The following CATSPERH variants were observed in gnomAD, a reference collection of about 807,000 sequenced individuals.
CATSPERH encodes cation channel sperm-associated auxiliary subunit eta.
the CATSPERH span, chr11:65,089,027 C>G: frequency 6.5e-7 from 1 of 1,535,562 alleles, no homozygotes; most frequent in Non-Finnish European, 8.7e-7. Flanking sequence ...GTCTTGCAGC[C>G]ACATCTTGCC....
the CATSPERH span, chr11:65,088,500 C>T: frequency 6.5e-7 from 1 of 1,536,188 alleles, no homozygotes; most frequent in Non-Finnish European, 8.7e-7. Context: ...ACTCCAAGGA[C>T]AGGCGGTTGA....
At chr11:65,088,670 G>T in the CATSPERH span, 1 of 1,536,356 alleles carries the variant, frequency 6.5e-7, no homozygotes, top group East Asian at 2.4e-5. Flanking sequence ...TCAGGGCGGA[G>T]AAGCAGACGT....
At chr11:65,089,058 G>C in the CATSPERH span, 1 of 1,527,330 alleles carries the variant, frequency 6.5e-7, no homozygotes, top group African/African-American at 1.4e-5. Context: ...ATGCAAGTCA[G>C]ACTTGAGAGC....
the CATSPERH span, chr11:65,088,656 A>C: frequency 4.6e-6 from 7 of 1,536,344 alleles, no homozygotes; most frequent in Non-Finnish European, 6.1e-6. Context: ...CTCACTCAGG[A>C]TGGTCAGGGC....
At chr11:65,088,888 G>A in the CATSPERH span, 3 of 1,535,834 alleles carry the variant, frequency 2.0e-6, no homozygotes, top group Non-Finnish European at 2.6e-6. Flanking sequence ...GAAAGCTCAT[G>A]TGGTCATAGT....
At chr11:65,088,705 A>G in the CATSPERH span, 1 of 1,536,206 alleles carries the variant, frequency 6.5e-7, no homozygotes, top group Non-Finnish European at 8.7e-7. Context: ...ATCTCAGCAT[A>G]GAGTGACCCC....
chr11:65,088,851 A>G, the CATSPERH span: 46 of 1,535,686 alleles, frequency 3.0e-5, no homozygotes, highest in Non-Finnish European at 3.7e-5. Flanking sequence ...CCCTGCCCTG[A>G]GCCTACCATC....
the CATSPERH span, chr11:65,088,708 G>A: frequency 6.5e-7 from 1 of 1,536,224 alleles, no homozygotes; most frequent in African/African-American, 1.4e-5. Flanking sequence ...TCAGCATAGA[G>A]TGACCCCATG....
the CATSPERH span, chr11:65,089,030 A>G: frequency 1.3e-6 from 2 of 1,535,476 alleles, no homozygotes; most frequent in South Asian, 1.2e-5. Context: ...TTGCAGCCAC[A>G]TCTTGCCCGC....
chr11:65,088,860 T>G, the CATSPERH span: 1 of 1,535,776 alleles, frequency 6.5e-7, no homozygotes, highest in Middle Eastern at 1.7e-4. Flanking sequence ...GAGCCTACCA[T>G]CAGGACGACC....
At chr11:65,088,877 T>C in the CATSPERH span, 1 of 1,535,780 alleles carries the variant, frequency 6.5e-7, no homozygotes, top group Non-Finnish European at 8.7e-7. Context: ...GACCGTGTAG[T>C]GAAAGCTCAT....
chr11:65,088,927 T>C, the CATSPERH span: 1 of 1,535,732 alleles, frequency 6.5e-7, no homozygotes, highest in African/African-American at 1.4e-5. Context: ...TGTGCACGTC[T>C]CTGATGAAGA....
chr11:65,088,636 A>C, the CATSPERH span: 674,484 of 1,534,564 alleles, frequency 0.44, 150,532 homozygotes, highest in Admixed American at 0.53. Context: ...GCACCCTCCC[A>C]CTCCTGCCAC....
the CATSPERH span, chr11:65,088,407 G>T: frequency 1.3e-6 from 2 of 1,511,830 alleles, no homozygotes; most frequent in Non-Finnish European, 1.8e-6. Flanking sequence ...AACACCCGAG[G>T]CAGCCTTTTG....
At chr11:65,088,611 T>C in the CATSPERH span, 1 of 1,532,496 alleles carries the variant, frequency 6.5e-7, no homozygotes, top group Non-Finnish European at 8.7e-7. Context: ...GTTCCAAAGC[T>C]CCCCGCTCCC....
the CATSPERH span, chr11:65,088,672 A>G: frequency 8.5e-6 from 13 of 1,536,344 alleles, no homozygotes; most frequent in Middle Eastern, 1.7e-4. Context: ...AGGGCGGAGA[A>G]GCAGACGTAC....
the CATSPERH span, chr11:65,088,900 G>A: frequency 1.3e-6 from 2 of 1,535,812 alleles, no homozygotes; most frequent in Non-Finnish European, 8.7e-7. Flanking sequence ...GGTCATAGTG[G>A]TAGGTGATGC....
At chr11:65,088,950 A>G in the CATSPERH span, 2 of 1,535,700 alleles carry the variant, frequency 1.3e-6, no homozygotes, top group Non-Finnish European at 1.7e-6. Context: ...CCCAGGTGTA[A>G]GAAGAAGAGC....
chr11:65,088,390 T>C, the CATSPERH span: 1 of 1,481,018 alleles, frequency 6.8e-7, no homozygotes, highest in Non-Finnish European at 9.1e-7. Flanking sequence ...AACAACAACT[T>C]TATTAAAACA....
Sources: allele counts gnomAD v4.1 joint callset, GRCh38; gene constraint gnomAD v4.1.1; transcripts MANE v1.5; gene names NCBI Gene and HGNC (gene_info 2026-07-23, HGNC 2026-07-21).